Variants in EPB41L4A observed in about 807,000 individuals in gnomAD.
EPB41L4A encodes the protein band 4.1-like protein 4A.
EPB41L4A carries 100 observed loss-of-function variants against 108.6 expected under a neutral mutation model. That is an observed-to-expected ratio of 0.92 (90% CI 0.78 to 1.09). The LOEUF (loss-of-function observed/expected upper bound fraction) is 1.09, where lower values mean the gene tolerates loss of function less well. Ranked by LOEUF, EPB41L4A falls within the 50% of genes least tolerant of loss-of-function variation. The pLI is 0.00. For synonymous variants in EPB41L4A, 319 were observed against 289.0 expected (o/e 1.10, Z -1.05); for missense variants, 1,030 against 842.7 (o/e 1.22, Z -2.75).
At chr5:112,340,553 G>T (rs1757245165) in intron 1 of EPB41L4A, among the ~76,000 whole-genome samples, 1 of 152,138 alleles carries the variant, frequency 6.6e-6, no homozygotes, top group African/African-American at 2.4e-5. Flanking sequence ...CTTCAATAAG[G>T]AAATATTTTC....
At chr5:112,334,573 C>G (rs1221598823) in intron 1 of EPB41L4A, among the ~76,000 whole-genome samples, 3 of 152,134 alleles carry the variant, frequency 2.0e-5, no homozygotes, top group African/African-American at 7.2e-5. Flanking sequence ...CTCTGTCTAC[C>G]AACTGCCAGT....
intron 1 of EPB41L4A, among the ~76,000 whole-genome samples, chr5:112,370,881 G>A (rs569935885): frequency 2.0e-5 from 3 of 152,352 alleles, no homozygotes; most frequent in African/African-American, 7.2e-5. Flanking sequence ...GGAGGTTGCA[G>A]TAAGCTGAGA....
chr5:112,324,256 T>G (rs1034324810), intron 1 of EPB41L4A, among the ~76,000 whole-genome samples: 2 of 152,232 alleles, frequency 1.3e-5, no homozygotes, highest in African/African-American at 4.8e-5. Flanking sequence ...GGGGGATATT[T>G]ATTTTTAATT....
intron 3 of EPB41L4A, 127 bp downstream of exon 3, chr5:112,280,145 T>A (rs1752873202): frequency 6.4e-6 from 5 of 781,396 alleles, no homozygotes; most frequent in Non-Finnish European, 1.1e-5. Context: ...ATTCCCATAT[T>A]CTGGTACTCA....
chr5:112,218,949 C>T (rs1354972248), intron 12 of EPB41L4A, among the ~76,000 whole-genome samples: 1 of 152,190 alleles, frequency 6.6e-6, no homozygotes, highest in Non-Finnish European at 1.5e-5. Flanking sequence ...AGAACTGTTT[C>T]ATGACTCCCT....
intron 2 of EPB41L4A, among the ~76,000 whole-genome samples, chr5:112,302,238 G>A (rs1369468875): frequency 6.6e-6 from 1 of 152,054 alleles, no homozygotes; most frequent in Non-Finnish European, 1.5e-5. Flanking sequence ...AGGTATGGTG[G>A]CTCACACCTA....
downstream of EPB41L4A, chr5:112,161,909 TTAA>T (rs1227357752): frequency 1.7e-5 from 3 of 174,812 alleles, no homozygotes; most frequent in African/African-American, 7.2e-5. Context: ...TTAAGGTGAG[TTAA>T]TAAATGGGAT....
At chr5:112,394,444 T>A (rs1554110270) in intron 1 of EPB41L4A, among the ~76,000 whole-genome samples, 1 of 151,954 alleles carries the variant, frequency 6.6e-6, no homozygotes, top group Non-Finnish European at 1.5e-5. Flanking sequence ...TATACACCAA[T>A]AACAAACAAA....
chr5:112,191,563 C>T (rs747668588), intron 17 of EPB41L4A, among the ~76,000 whole-genome samples: 6 of 151,886 alleles, frequency 4.0e-5, no homozygotes, highest in Non-Finnish European at 7.4e-5. Context: ...AAATGGTTAT[C>T]CATGGAAACA....
intron 1 of EPB41L4A, among the ~76,000 whole-genome samples, chr5:112,362,477 C>T (rs567121925): frequency 1.3e-5 from 2 of 152,146 alleles, no homozygotes; most frequent in African/African-American, 4.8e-5. Flanking sequence ...CACGGGATTT[C>T]ACCATGTTGC....
intron 1 of EPB41L4A, among the ~76,000 whole-genome samples, chr5:112,349,494 A>G (rs17343994): frequency 0.21 from 31,347 of 152,138 alleles, 3,487 homozygotes; most frequent in Non-Finnish European, 0.23. Flanking sequence ...TTAAAAGCCT[A>G]TAACAGCTGC....
chr5:112,302,302 T>C (rs1014187164), intron 2 of EPB41L4A, among the ~76,000 whole-genome samples: 11 of 152,118 alleles, frequency 7.2e-5, no homozygotes, highest in African/African-American at 1.2e-4. Context: ...GCTCAGGAGT[T>C]TGAAACCAGC....
At chr5:112,232,990 C>T (rs1749062867) in intron 12 of EPB41L4A, among the ~76,000 whole-genome samples, 1 of 152,078 alleles carries the variant, frequency 6.6e-6, no homozygotes. Flanking sequence ...GAGCACTGAA[C>T]ATGGATTAAA....
At chr5:112,271,371 T>C (rs1302146637) in intron 4 of EPB41L4A, among the ~76,000 whole-genome samples, 1 of 152,204 alleles carries the variant, frequency 6.6e-6, no homozygotes, top group Non-Finnish European at 1.5e-5. Flanking sequence ...ACCTTTATCA[T>C]TATTGAACAC....
rs1163417244 is a variant in EPB41L4A at position 112,210,997 on chromosome 5, T to C, written c.1088-1015A>G. 3.9e-5 allele frequency among the ~76,000 whole-genome samples: 6 copies of C among 152,272 alleles called. No homozygotes were observed. The South Asian group carries it at 1.0e-3, about 26-fold the overall frequency. On this transcript the variant is annotated intron_variant, in intron 12 of 22. Coordinates refer to ENST00000261486, the MANE Select transcript of EPB41L4A (RefSeq NM_022140.5). ...TAACATTAATAAGCACTAATATTTA[T>C]TGAGTACTTACTATGTGTCAGGTAC...
chr5:112,154,000 T>C (rs1319056641), intron 12 of EPB41L4A, among the ~76,000 whole-genome samples: 2 of 152,164 alleles, frequency 1.3e-5, no homozygotes, highest in South Asian at 2.1e-4. Flanking sequence ...GAAACAGATA[T>C]GTAGCTGGCA....
At chr5:112,275,631 G>A (rs1340280836) in intron 3 of EPB41L4A, among the ~76,000 whole-genome samples, 1 of 152,006 alleles carries the variant, frequency 6.6e-6, no homozygotes, top group Non-Finnish European at 1.5e-5. Flanking sequence ...TGGTTCTTAT[G>A]TCTGGTTGGT....
At chr5:112,346,389 A>T (rs1005333107) in intron 1 of EPB41L4A, among the ~76,000 whole-genome samples, 2 of 151,656 alleles carry the variant, frequency 1.3e-5, no homozygotes, top group African/African-American at 4.8e-5. Context: ...ACACCTGGCT[A>T]ATTTTTGTAT....
chr5:112,147,568 G>GC (rs1222271468), intron 12 of EPB41L4A, among the ~76,000 whole-genome samples: 1 of 151,220 alleles, frequency 6.6e-6, no homozygotes, highest in Non-Finnish European at 1.5e-5. Context: ...AACCCGGGAG[G>GC]CAAAGGCTGC....
Sources: allele counts gnomAD v4.1 joint callset (sites outside exome capture counted in the v4.1 genomes callset), GRCh38; gene constraint gnomAD v4.1.1; transcripts MANE v1.5; gene names NCBI Gene and HGNC (gene_info 2026-07-23, HGNC 2026-07-21).